Variants in FLT1 observed in about 807,000 individuals in gnomAD.
FLT1 encodes fms related receptor tyrosine kinase 1.
In FLT1, 49 loss-of-function variants were observed where a neutral mutation model predicts 156.3. The observed-to-expected ratio is 0.31, with a 90% CI of 0.25 to 0.40. The LOEUF (loss-of-function observed/expected upper bound fraction) is 0.40. FLT1 is among the 10% of genes least tolerant of loss of function. FLT1 has a pLI of 1.00. For missense variants in FLT1, 1,322 were observed against 1,637.2 expected, an observed-to-expected ratio of 0.81 and a Z score of 3.32; for synonymous variants, 594 against 583.8, an observed-to-expected ratio of 1.02 and a Z score of -0.25.
At chr13:28,376,220 CAGTT>C (rs1244361890) in intron 14 of FLT1, among the ~76,000 whole-genome samples, 6 of 152,184 alleles carry the variant, frequency 3.9e-5, no homozygotes, top group Non-Finnish European at 8.8e-5. Flanking sequence ...TGTCCTCTAA[CAGTT>C]AGATAAACAC....
At chr13:28,349,666 G>A (rs1872681928) in intron 15 of FLT1, among the ~76,000 whole-genome samples, 1 of 152,152 alleles carries the variant, frequency 6.6e-6, no homozygotes, top group Admixed American at 6.5e-5. Flanking sequence ...AGGCCCCCTT[G>A]ATTGTGGGAA....
chr13:28,398,862 CA>C (rs1303215358), intron 11 of FLT1, among the ~76,000 whole-genome samples: 1 of 152,152 alleles, frequency 6.6e-6, no homozygotes, highest in African/African-American at 2.4e-5. Context: ...GAAGATCATA[CA>C]AAAATTATTC....
At chr13:28,335,703 C>T (rs566533216) in intron 17 of FLT1, among the ~76,000 whole-genome samples, 8 of 152,296 alleles carry the variant, frequency 5.3e-5, no homozygotes, top group East Asian at 1.9e-4. Context: ...GGAGACGACA[C>T]GTTTCTCTTT....
intron 11 of FLT1, among the ~76,000 whole-genome samples, chr13:28,401,175 G>A (rs529896367): frequency 3.9e-5 from 6 of 152,254 alleles, no homozygotes; most frequent in Non-Finnish European, 7.4e-5. Context: ...GCAGTGAGCC[G>A]AGATCATGCC....
At chr13:28,319,953 A>T (rs1871373282) in intron 23 of FLT1, among the ~76,000 whole-genome samples, 1 of 152,268 alleles carries the variant, frequency 6.6e-6, no homozygotes. Context: ...AAGCATTCCT[A>T]TGCAAAAAGA....
At chr13:28,455,814 A>G (rs1420546618) in intron 3 of FLT1, among the ~76,000 whole-genome samples, 1 of 152,256 alleles carries the variant, frequency 6.6e-6, no homozygotes, top group East Asian at 1.9e-4. Flanking sequence ...AACTCTGTTT[A>G]AAATGGGTCA....
intron 1 of FLT1, among the ~76,000 whole-genome samples, chr13:28,472,597 C>T (rs1404653555): frequency 4.6e-5 from 7 of 152,226 alleles, no homozygotes; most frequent in Non-Finnish European, 1.0e-4. Flanking sequence ...CCTTGGCACC[C>T]CTTATTCTGT....
At chr13:28,342,041 C>T (rs544377612) in intron 16 of FLT1, among the ~76,000 whole-genome samples, 8 of 152,222 alleles carry the variant, frequency 5.3e-5, no homozygotes, top group South Asian at 2.1e-4. Context: ...TGCCACCATG[C>T]CCAGCTAATT....
intron 10 of FLT1, among the ~76,000 whole-genome samples, chr13:28,407,917 G>C (rs1875907566): frequency 6.6e-6 from 1 of 152,080 alleles, no homozygotes; most frequent in Admixed American, 6.6e-5. Context: ...CCATTTTCTA[G>C]ACTATAACAT....
chr13:28,460,829 CG>C (rs1879535834), intron 3 of FLT1, among the ~76,000 whole-genome samples: 1 of 151,004 alleles, frequency 6.6e-6, no homozygotes, highest in Non-Finnish European at 1.5e-5. Context: ...CACACACACA[CG>C]CACGTATGTA....
intron 14 of FLT1, among the ~76,000 whole-genome samples, chr13:28,383,859 A>G (rs1242802625): frequency 1.3e-5 from 2 of 152,066 alleles, no homozygotes. Context: ...AAAAAAAGTA[A>G]CCTAGAGATG....
chr13:28,434,265 G>C, intron 4 of FLT1, 45 bp from the exon 5 acceptor site: 5 of 1,560,248 alleles, frequency 3.2e-6, no homozygotes, highest in South Asian at 1.1e-5. Context: ...ATTAGCACTG[G>C]TTGGCAATAC....
chr13:28,424,112 T>C (rs1877178151), intron 10 of FLT1, among the ~76,000 whole-genome samples: 1 of 152,108 alleles, frequency 6.6e-6, no homozygotes, highest in African/African-American at 2.4e-5. Context: ...CTAATTTTTG[T>C]ATTTTAAGTA....
chr13:28,334,204 G>A (rs1050769553), intron 17 of FLT1, 75 bp from the exon 18 acceptor site: 81 of 967,694 alleles, frequency 8.4e-5, no homozygotes, highest in South Asian at 3.6e-4. Context: ...GGAAGGAAAT[G>A]CCTTTTCCTA....
At chr13:28,475,063 T>C (rs565949731) in intron 1 of FLT1, among the ~76,000 whole-genome samples, 96 of 152,350 alleles carry the variant, frequency 6.3e-4, no homozygotes, top group Middle Eastern at 3.4e-3. Context: ...TTTCCCTTAA[T>C]GTTCTGTAAC....
At chr13:28,360,776 C>A (rs1405782339) in intron 14 of FLT1, among the ~76,000 whole-genome samples, 2 of 152,116 alleles carry the variant, frequency 1.3e-5, no homozygotes, top group Non-Finnish European at 2.9e-5. Flanking sequence ...CATTCTATTA[C>A]ACAGCAAAGT....
intron 15 of FLT1, chr13:28,345,789 G>A (rs1176687687): frequency 1.2e-5 from 5 of 401,802 alleles, no homozygotes; most frequent in East Asian, 1.2e-4. Flanking sequence ...CATAGAAAAG[G>A]CTTTCCAGAA....
At chr13:28,394,902 A>G (rs1478389493) in intron 12 of FLT1, among the ~76,000 whole-genome samples, 1 of 152,110 alleles carries the variant, frequency 6.6e-6, no homozygotes, top group African/African-American at 2.4e-5. Context: ...GCTTGTCAGT[A>G]TTCACACCTT....
chr13:28,486,564 T>TCC (rs749677895), intron 1 of FLT1, among the ~76,000 whole-genome samples: 11 of 152,162 alleles, frequency 7.2e-5, no homozygotes, highest in Non-Finnish European at 1.6e-4. Flanking sequence ...GACTGAGCAC[T>TCC]CCACAGCATA....
Sources: gnomAD v4.1 joint callset for allele counts (sites outside exome capture counted in the v4.1 genomes callset) on GRCh38, gnomAD v4.1.1 for gene constraint, MANE v1.5 for transcripts, NCBI Gene and HGNC (gene_info 2026-07-23, HGNC 2026-07-21) for gene names.